The following MAGI1 variants were observed in gnomAD, a reference collection of about 807,000 sequenced individuals.
The protein encoded by MAGI1 is membrane associated guanylate kinase, WW and PDZ domain containing 1.
A neutral mutation model predicts 139.9 loss-of-function variants in MAGI1; 58 were observed. The ratio of observed to expected loss-of-function variants is 0.41; its 90% confidence interval spans 0.34 to 0.52. MAGI1 has a LOEUF of 0.52. MAGI1 is among the 20% of genes least tolerant of loss of function. The probability of loss-of-function intolerance (pLI) is 0.12; values close to 1 mark genes in which losing one functional copy is unlikely to be tolerated. For missense variants in MAGI1, 1,874 were observed against 1,901.6 expected, an observed-to-expected ratio of 0.99 and a Z score of 0.27; for synonymous variants, 812 against 737.9, an observed-to-expected ratio of 1.10 and a Z score of -1.63.
Position 65,758,700 on chromosome 3 carries a change from A to G in MAGI1, c.314-136612T>C, listed in dbSNP as rs567657619. Among the ~76,000 whole-genome samples, 3 of 152,268 alleles carry G rather than the reference A, an allele frequency of 2.0e-5. No homozygotes were observed. In the East Asian group the frequency reaches 5.8e-4, roughly 29 times the overall value. On this transcript the variant is annotated intron_variant, in intron 1 of 22. Coordinates refer to ENST00000402939, the MANE Select transcript of MAGI1 (RefSeq NM_001033057.2). ...GATACTGCTAAATACCCTACAATGC[A>G]CAGGACAGCCCCTACAACAAGAAGT...
At chr3:65,936,986 G>C (rs375981310) in intron 1 of MAGI1, among the ~76,000 whole-genome samples, 1 of 151,746 alleles carries the variant, frequency 6.6e-6, no homozygotes, top group Non-Finnish European at 1.5e-5. Flanking sequence ...TGGTGGTGGT[G>C]GTGATGGTGG....
At chr3:65,986,734 C>G (rs1055059200) in intron 1 of MAGI1, among the ~76,000 whole-genome samples, 1 of 152,186 alleles carries the variant, frequency 6.6e-6, no homozygotes, top group Non-Finnish European at 1.5e-5. Context: ...ATAGGTGTCA[C>G]ATTATTTATG....
intron 3 of MAGI1, among the ~76,000 whole-genome samples, chr3:65,483,478 T>C (rs1218235774): frequency 6.6e-6 from 1 of 152,224 alleles, no homozygotes; most frequent in African/African-American, 2.4e-5. Flanking sequence ...AGTCTAGCCA[T>C]GTAGAAACAC....
rs770407940 is a variant in MAGI1, at chr3:65,413,667, C to T, written c.2168-12197G>A. Reference sequence around the variant, plus strand: ...CCATATAGCTATGAAGGGCAGGAGACGCTTGGGCTTTGTTCAGCTATTAGA... The same window carrying T: ...CCATATAGCTATGAAGGGCAGGAGATGCTTGGGCTTTGTTCAGCTATTAGA... On this transcript the variant is annotated intron_variant, in intron 12 of 22. Transcript: ENST00000402939. Among the ~76,000 whole-genome samples, 10 of 152,220 alleles carry T rather than the reference C, an allele frequency of 6.6e-5. No individual in the cohort carries two copies. The South Asian group carries it at 8.3e-4, about 13-fold the overall frequency.
rs753531172 is a variant in MAGI1, at chr3:65,403,182, CAA to C, written c.2168-1714_2168-1713del. On this transcript the variant is annotated intron_variant, in intron 12 of 22. Coordinates refer to ENST00000402939, the MANE Select transcript of MAGI1 (RefSeq NM_001033057.2). The stretch of plus-strand genomic sequence containing the variant: ...TCACAAGATTATTAAGATAATGAAA[CAA>C]GAGAAAATGTTTAAAAGCCTCCTAC... Among the ~76,000 whole-genome samples the C allele has an allele frequency of 7.2e-5, 11 of 152,120 alleles. 1 individual carries two copies. In the South Asian group the frequency reaches 1.9e-3, roughly 26 times the overall value.
intron 21 of MAGI1, 42 bp downstream of exon 21, chr3:65,363,423 A>T: frequency 6.4e-7 from 1 of 1,562,434 alleles, no homozygotes. Flanking sequence ...TTCACTGCAG[A>T]TGGTTTCTTT....
intron 1 of MAGI1, among the ~76,000 whole-genome samples, chr3:65,668,272 C>T (rs1278012084): frequency 6.6e-6 from 1 of 152,186 alleles, no homozygotes; most frequent in Admixed American, 6.5e-5. Context: ...ACCTGGCACA[C>T]AAGTGCTATT....
chr3:65,922,814 T>C (rs2062277875), intron 1 of MAGI1, among the ~76,000 whole-genome samples: 1 of 152,184 alleles, frequency 6.6e-6, no homozygotes, highest in South Asian at 2.1e-4. Context: ...AGTTGGAAGT[T>C]CAGCAGGTTT....
At chr3:65,462,453 C>G (rs1418417480) in intron 5 of MAGI1, among the ~76,000 whole-genome samples, 1 of 152,034 alleles carries the variant, frequency 6.6e-6, no homozygotes, top group African/African-American at 2.4e-5. Context: ...ATTTCTGAGG[C>G]CTCTGTTCTG....
chr3:65,364,165 TAAAAAAAAAAAAAAA>T (rs555186167), intron 20 of MAGI1, among the ~76,000 whole-genome samples: 4,761 of 89,494 alleles, frequency 0.053, 159 homozygotes, highest in South Asian at 0.092. Context: ...CCCTGTCTCT[TAAAAAAAAAAAAAAA>T]AAAAAAAAAA....
intron 2 of MAGI1, among the ~76,000 whole-genome samples, chr3:65,565,788 C>A (rs987995189): frequency 1.4e-5 from 2 of 145,364 alleles, no homozygotes; most frequent in African/African-American, 2.6e-5. Context: ...ACCCAGGAGG[C>A]AGAGGCTGCA....
chr3:65,510,955 C>T (rs1169275809), intron 2 of MAGI1, among the ~76,000 whole-genome samples: 1 of 148,114 alleles, frequency 6.8e-6, no homozygotes, highest in Non-Finnish European at 1.5e-5. Context: ...CAGCGGATCT[C>T]TTGGCAGAAA....
At chr3:65,868,996 G>A (rs1442906957) in intron 1 of MAGI1, among the ~76,000 whole-genome samples, 4 of 151,932 alleles carry the variant, frequency 2.6e-5, no homozygotes, top group Admixed American at 1.3e-4. Context: ...TGCCGGGCGC[G>A]GTGGCTCACG....
rs76238781 is a variant in MAGI1, at chr3:66,015,825, C to A, written c.313+22171G>T. On this transcript the variant is annotated intron_variant, in intron 1 of 22. Coordinates refer to ENST00000402939, the MANE Select transcript of MAGI1 (RefSeq NM_001033057.2). ...CTATACGCATTTTCTCTCTTTCTATCTGTACATCAATCATTCTAGAACACT... is the reference window on the plus strand; with the variant it reads ...CTATACGCATTTTCTCTCTTTCTATATGTACATCAATCATTCTAGAACACT... Among the ~76,000 whole-genome samples the A allele has an allele frequency of 4.8e-3, 737 of 152,214 alleles. 6 individuals carry two copies. Among genetic ancestry groups the A allele is most frequent in the African/African-American group, 0.017 (694 of 41,548 alleles).
chr3:65,477,984 G>A (rs1231954841), intron 4 of MAGI1, among the ~76,000 whole-genome samples: 1 of 151,740 alleles, frequency 6.6e-6, no homozygotes, highest in Non-Finnish European at 1.5e-5. Flanking sequence ...AATATAGTCA[G>A]TAATACATAG....
At chr3:65,681,831 G>C (rs1270399513) in intron 1 of MAGI1, among the ~76,000 whole-genome samples, 1 of 152,192 alleles carries the variant, frequency 6.6e-6, no homozygotes, top group Non-Finnish European at 1.5e-5. Flanking sequence ...ACAGCAAGAT[G>C]TTTAATAAGA....
chr3:65,862,669 C>T (rs1372499641), intron 1 of MAGI1, among the ~76,000 whole-genome samples: 1 of 152,156 alleles, frequency 6.6e-6, no homozygotes, highest in Non-Finnish European at 1.5e-5. Flanking sequence ...CATGACAGTC[C>T]ATGTTCTCTC....
chr3:65,669,996 T>G (rs2086758053), intron 1 of MAGI1, among the ~76,000 whole-genome samples: 1 of 152,226 alleles, frequency 6.6e-6, no homozygotes. Flanking sequence ...ATTATCCATT[T>G]GTAAACTGTG....
At chr3:65,599,564 C>T (rs1291031315) in intron 2 of MAGI1, among the ~76,000 whole-genome samples, 1 of 152,110 alleles carries the variant, frequency 6.6e-6, no homozygotes, top group Non-Finnish European at 1.5e-5. Context: ...TTGCCTGTTT[C>T]CCCTGGTGTA....
Sources: gnomAD v4.1 joint callset for allele counts (sites outside exome capture counted in the v4.1 genomes callset) on GRCh38, gnomAD v4.1.1 for gene constraint, MANE v1.5 for transcripts, NCBI Gene and HGNC (gene_info 2026-07-23, HGNC 2026-07-21) for gene names.